TGFBR2: variants seen among roughly 807,000 people sequenced by gnomAD.
TGFBR2 encodes the protein TGF-beta receptor type-2.
TGFBR2 carries 18 observed loss-of-function variants against 49.0 expected under a neutral mutation model. The ratio of observed to expected loss-of-function variants is 0.37; its 90% CI spans 0.25 to 0.54. TGFBR2 has a LOEUF of 0.54. Among genes scored for constraint, TGFBR2 ranks in the 20% least tolerant of loss-of-function variants. The pLI is 0.85. For synonymous variants in TGFBR2, 282 were observed against 275.9 expected (o/e 1.02, Z -0.22); for missense variants, 525 against 722.6 (o/e 0.73, Z 3.13).
At chr3:30,677,303 G>A (rs538021317) in intron 5 of TGFBR2, among the ~76,000 whole-genome samples, 21 of 152,308 alleles carry the variant, frequency 1.4e-4, no homozygotes, top group Admixed American at 5.2e-4. Flanking sequence ...GGAAGGAACA[G>A]GATATGGTTT....
chr3:30,612,161 C>T (rs927054280), intron 1 of TGFBR2, among the ~76,000 whole-genome samples: 1 of 152,176 alleles, frequency 6.6e-6, no homozygotes, highest in African/African-American at 2.4e-5. Context: ...AAGAGAAAGA[C>T]AATTAACATT....
chr3:30,618,654 C>G (rs1382184499), intron 1 of TGFBR2, among the ~76,000 whole-genome samples: 2 of 152,190 alleles, frequency 1.3e-5, no homozygotes, highest in African/African-American at 4.8e-5. Context: ...TATTATACCA[C>G]AGCATTTCTT....
chr3:30,670,925 C>T (rs369205142), intron 3 of TGFBR2, among the ~76,000 whole-genome samples: 32 of 152,326 alleles, frequency 2.1e-4, no homozygotes, highest in Non-Finnish European at 2.4e-4. Flanking sequence ...CCATGGACTC[C>T]TCTCCCTGTC....
chr3:30,614,697 A>G (rs1698099413), intron 1 of TGFBR2, among the ~76,000 whole-genome samples: 1 of 152,138 alleles, frequency 6.6e-6, no homozygotes, highest in Non-Finnish European at 1.5e-5. Flanking sequence ...CCTCAAAACA[A>G]CTTTAGAAGG....
rs192763585 is a variant in TGFBR2, at chr3:30,617,154, T to C, written c.94+10177T>C. Among the ~76,000 whole-genome samples the C allele has an allele frequency of 2.0e-5, 3 of 152,306 alleles. No individual in the cohort carries two copies. The East Asian group carries it at 5.8e-4, about 29-fold the overall frequency. On this transcript the variant is annotated intron_variant, in intron 1 of 6. Transcript: ENST00000295754. ...CCTTTCAAATATTTCTCTACCACTTTTCTTAAAATATTCTCAGAAAAGACA... is the reference window on the plus strand; with the variant it reads ...CCTTTCAAATATTTCTCTACCACTTCTCTTAAAATATTCTCAGAAAAGACA...
chr3:30,615,711 T>C (rs1267559488), intron 1 of TGFBR2, among the ~76,000 whole-genome samples: 1 of 149,774 alleles, frequency 6.7e-6, no homozygotes, highest in Non-Finnish European at 1.5e-5. Flanking sequence ...ATTTATAGCT[T>C]TTAAAAATTT....
intron 1 of TGFBR2, among the ~76,000 whole-genome samples, chr3:30,612,039 C>T (rs1381171827): frequency 1.3e-5 from 2 of 152,206 alleles, no homozygotes; most frequent in Non-Finnish European, 2.9e-5. Context: ...TTTTGCTCCA[C>T]AGGTACTTGT....
At chr3:30,646,807 T>G (rs896054257) in intron 2 of TGFBR2, among the ~76,000 whole-genome samples, 9 of 152,288 alleles carry the variant, frequency 5.9e-5, no homozygotes, top group African/African-American at 2.2e-4. Context: ...AAAAAGGCTC[T>G]TTTAATTAAG....
At chr3:30,636,808 T>C (rs190856115) in intron 1 of TGFBR2, among the ~76,000 whole-genome samples, 1 of 151,952 alleles carries the variant, frequency 6.6e-6, no homozygotes, top group Non-Finnish European at 1.5e-5. Context: ...CTCAAGCCTG[T>C]AATCCCAGCA....
At position 30,680,177 on chromosome 3, in the gene TGFBR2, C is replaced by T. The variant is rs144794008; in HGVS notation, c.1396+5931C>T. ...ATGATTCCTATGATCAGTATGGATA[C>T]GATAGTCAGAGCTACTCTGTGCATC... On this transcript the variant is annotated intron_variant, in intron 5 of 6. Transcript: ENST00000295754. 6.1e-3 allele frequency among the ~76,000 whole-genome samples: 756 copies of T among 123,260 alleles called. 6 individuals are homozygous for T. Among genetic ancestry groups the T allele is most frequent in the African/African-American group, 0.022 (714 of 32,464 alleles). 80.9% of individuals were successfully genotyped at this position (123,260 alleles called of 152,430 possible). A position where few individuals can be genotyped will look rare whatever the true frequency, so the allele number is the denominator to read the frequency against.
intron 1 of TGFBR2, among the ~76,000 whole-genome samples, chr3:30,634,288 T>C (rs1414055374): frequency 6.6e-6 from 1 of 152,230 alleles, no homozygotes; most frequent in Non-Finnish European, 1.5e-5. Context: ...TTTGTGTTAG[T>C]TTCTGCATTT....
chr3:30,693,947 G>A lies in TGFBR2; in HGVS notation c.*2348G>A, dbSNP rs1005400798. On this transcript the variant is annotated 3_prime_UTR_variant, in exon 7 of 7. Transcript: ENST00000295754. ...TAAAGGGAAAGTTTTATTCTTTTAT[G>A]GAACACTTCAGCTGTACTCATGTAT... 1 of 227,802 alleles carries A rather than the reference G, an allele frequency of 4.4e-6. No homozygotes were observed. Among genetic ancestry groups the A allele is most frequent in the African/African-American group, 2.2e-5 (1 of 44,904 alleles). The allele number at this position is 227,802 out of a possible 1,614,324, so 14.1% of individuals were successfully genotyped here.
At chr3:30,685,696 G>A (rs79124252) in intron 5 of TGFBR2, among the ~76,000 whole-genome samples, 2,437 of 152,200 alleles carry the variant, frequency 0.016, 40 homozygotes, top group Non-Finnish European at 0.021. Context: ...GAGTAAGGCG[G>A]TCATGTCCAC....
intron 1 of TGFBR2, among the ~76,000 whole-genome samples, chr3:30,634,174 C>T (rs1474216675): frequency 6.6e-6 from 1 of 152,130 alleles, no homozygotes; most frequent in Non-Finnish European, 1.5e-5. Context: ...CATTGATATT[C>T]GGACCAAATC....
In TGFBR2 at chr3:30,672,344, G is replaced by T. The variant is rs2125436649; in HGVS notation, c.1161G>T (p.Val387=). 3 of 1,613,874 alleles carry T rather than the reference G, an allele frequency of 1.9e-6. No individual in the cohort carries two copies. Among genetic ancestry groups the T allele is most frequent in the Non-Finnish European group, 2.5e-6 (3 of 1,179,840 alleles). The change falls in exon 4 of 7, where the codon GTG becomes GTT. Residue 387 remains valine, a synonymous_variant. Coordinates refer to ENST00000295754, the MANE Select transcript of TGFBR2 (RefSeq NM_003242.6). The surrounding 1 kb of genome is among the most constrained non-coding windows in gnomAD (Gnocchi z 4.5). ...HRDLKSSNIL[V]KNDLTCCLCD... is the part of the protein sequence containing the mutation. ...ACCTCAAGAGCTCCAATATCCTCGT[G>T]AAGAACGACCTAACCTGCTGCCTGT...
At chr3:30,608,947 A>T (rs967662523) in intron 1 of TGFBR2, among the ~76,000 whole-genome samples, 6 of 152,232 alleles carry the variant, frequency 3.9e-5, no homozygotes, top group African/African-American at 1.4e-4. Context: ...GAAGGAAATT[A>T]GCAGGCCCTG....
In TGFBR2 at chr3:30,672,350, C is replaced by T. The variant is rs2228048; in HGVS notation, c.1167C>T (p.Asn389=). 48,865 of 1,613,836 alleles carry T rather than the reference C, an allele frequency of 0.03. 3,125 individuals carry two copies. The highest frequency in any genetic ancestry group is 0.28 in the East Asian group (12,707 of 44,850). Reference sequence around the variant, plus strand: ...AGAGCTCCAATATCCTCGTGAAGAACGACCTAACCTGCTGCCTGTGTGACT... The same window carrying T: ...AGAGCTCCAATATCCTCGTGAAGAATGACCTAACCTGCTGCCTGTGTGACT... The part of the protein sequence containing the change: ...DLKSSNILVK[N]DLTCCLCDFG... Residue 389 remains asparagine, a synonymous_variant, in exon 4 of 7, where the codon AAC becomes AAT. Coordinates refer to ENST00000295754, the MANE Select transcript of TGFBR2 (RefSeq NM_003242.6). This position sits in a 1 kb window ranked among gnomAD's most constrained non-coding sequence, Gnocchi z 4.5.
rs1575159900 is a variant in TGFBR2, at chr3:30,676,363, T to A, written c.1396+2117T>A. 1.3e-5 allele frequency among the ~76,000 whole-genome samples: 2 copies of A among 152,214 alleles called. No homozygotes were observed. The highest frequency in any genetic ancestry group is 4.1e-4 in the South Asian group (2 of 4,832). On this transcript the variant is annotated intron_variant, in intron 5 of 6. Coordinates refer to ENST00000295754, the MANE Select transcript of TGFBR2 (RefSeq NM_003242.6). This position sits in a 1 kb window ranked among gnomAD's most constrained non-coding sequence, Gnocchi z 4.3. ...ACTAATTTGATGATCTATGACTAATTCCTGCCTATAACAATTATTACTATA... is the reference window on the plus strand; with the variant it reads ...ACTAATTTGATGATCTATGACTAATACCTGCCTATAACAATTATTACTATA...
chr3:30,675,883 C>T (rs1237166297), intron 5 of TGFBR2, among the ~76,000 whole-genome samples: 1 of 152,152 alleles, frequency 6.6e-6, no homozygotes, highest in Non-Finnish European at 1.5e-5. Flanking sequence ...ATTTGTACTT[C>T]CAAGTCCCCA....
Sources: allele counts gnomAD v4.1 joint callset (sites outside exome capture counted in the v4.1 genomes callset), GRCh38; gene constraint gnomAD v4.1.1; non-coding constraint Gnocchi (gnomAD v3.1); transcripts MANE v1.5; gene names NCBI Gene and HGNC (gene_info 2026-07-23, HGNC 2026-07-21).